The following MBD5 variants were observed in gnomAD, a reference collection of about 807,000 sequenced individuals.
The protein encoded by MBD5 is methyl-CpG binding domain protein 5.
Under a neutral mutation model 117.3 loss-of-function variants are expected in MBD5, and 13 were observed. The observed-to-expected ratio is 0.11, with a 90% CI of 0.07 to 0.18. The LOEUF is 0.18. Among genes scored for constraint, MBD5 ranks in the 10% least tolerant of loss-of-function variants. The pLI, the probability that MBD5 is intolerant of heterozygous loss-of-function variation, is 1.00. For missense variants in MBD5, 1,879 were observed against 2,093.8 expected (o/e 0.90, Z 2.00); for synonymous variants, 727 against 766.4 (o/e 0.95, Z 0.85).
chr2:148,294,501 G>GTGTTTTTTTTTTTGTT (rs1178106069), intron 3 of MBD5, among the ~76,000 whole-genome samples: 13 of 113,216 alleles, frequency 1.1e-4, no homozygotes, highest in Non-Finnish European at 2.3e-4. Context: ...TGGGATTACA[G>GTGTTTTTTTTTTTGTT]TTTTTTTTTT....
chr2:148,211,478 T>A (rs1699420515), intron 2 of MBD5, among the ~76,000 whole-genome samples: 1 of 152,226 alleles, frequency 6.6e-6, no homozygotes, highest in Non-Finnish European at 1.5e-5. Flanking sequence ...ATTTTTGTTA[T>A]ATTTTTTGGA....
intron 1 of MBD5, chr2:148,024,949 T>G (rs973536580): frequency 6.6e-6 from 1 of 152,188 alleles, no homozygotes; most frequent in African/African-American, 2.4e-5. Context: ...GACTTTGTTT[T>G]TTTGGTCCTT....
chr2:148,109,244 C>T (rs1010076424), intron 1 of MBD5, among the ~76,000 whole-genome samples: 7 of 151,944 alleles, frequency 4.6e-5, no homozygotes, highest in Admixed American at 6.6e-5. Flanking sequence ...ATGTTTGCAC[C>T]GCTGTACCCT....
intron 1 of MBD5, among the ~76,000 whole-genome samples, chr2:148,169,900 CTTTTTTTTTT>C (rs11284103): frequency 4.5e-5 from 6 of 132,082 alleles, no homozygotes; most frequent in Non-Finnish European, 9.9e-5. Context: ...AGGGATTCTT[CTTTTTTTTTT>C]TTTTTGAGAC....
intron 1 of MBD5, among the ~76,000 whole-genome samples, chr2:148,076,532 A>G (rs772896579): frequency 1.2e-4 from 18 of 152,306 alleles, no homozygotes; most frequent in Non-Finnish European, 2.4e-4. Context: ...GAGGCCTCAG[A>G]GGTCTGACAT....
Position 148,470,279 on chromosome 2 carries a change from A to G in MBD5, c.2336A>G (p.His779Arg), listed in dbSNP as rs1680751866. The change falls in exon 8 of 14, where the codon CAT becomes CGT. Residue 779 changes from histidine (H) to arginine (R), a missense_variant. By Grantham distance (29) the His-to-Arg change is conservative. Coordinates refer to ENST00000642680, the MANE Select transcript of MBD5 (RefSeq NM_001378120.1). ...VHSNSPVPNHHLAGLINQIQA... is the reference protein window; with the variant it reads ...VHSNSPVPNHRLAGLINQIQA... ...AGTAACAGTCCAGTCCCCAACCACC[A>G]TCTTGCAGGTTTAATAAATCAGATT... 5.6e-6 allele frequency: 9 copies of G among 1,613,942 alleles called. No homozygotes were observed. Among genetic ancestry groups the G allele is most frequent in the Non-Finnish European group, 7.6e-6 (9 of 1,179,882 alleles).
chr2:148,337,482 A>G (rs1702828134), intron 3 of MBD5, among the ~76,000 whole-genome samples: 1 of 152,182 alleles, frequency 6.6e-6, no homozygotes, highest in Admixed American at 6.5e-5. Flanking sequence ...ATAGAACAGT[A>G]TGCATAACCT....
intron 4 of MBD5, among the ~76,000 whole-genome samples, chr2:148,373,498 ATATAT>A (rs1703911452): frequency 6.6e-6 from 1 of 152,146 alleles, no homozygotes; most frequent in Non-Finnish European, 1.5e-5. Flanking sequence ...TTCACTTATC[ATATAT>A]TATATGCATT....
intron 1 of MBD5, among the ~76,000 whole-genome samples, chr2:148,160,821 T>A (rs1242163224): frequency 6.6e-6 from 1 of 152,214 alleles, no homozygotes; most frequent in Non-Finnish European, 1.5e-5. Flanking sequence ...AATCCTTCCC[T>A]CCTTTTAGCT....
At chr2:148,421,905 T>A (rs1044291124) in intron 4 of MBD5, among the ~76,000 whole-genome samples, 9 of 152,304 alleles carry the variant, frequency 5.9e-5, no homozygotes, top group African/African-American at 2.2e-4. Context: ...GGGCAGGGCA[T>A]CTCTGAAAGA....
chr2:148,415,419 C>G (rs1208111390), intron 4 of MBD5, among the ~76,000 whole-genome samples: 1 of 152,076 alleles, frequency 6.6e-6, no homozygotes. Flanking sequence ...CATTTAAACC[C>G]TGGAGAATCT....
rs902272627 is a variant in MBD5 at position 148,515,894 on chromosome 2, A to G, written c.*2953A>G. On this transcript the variant is annotated 3_prime_UTR_variant, in exon 14 of 14. Coordinates refer to ENST00000642680, the MANE Select transcript of MBD5 (RefSeq NM_001378120.1). The stretch of plus-strand genomic sequence containing the variant: ...GTGATTTGTCTTGTTTGTAGCATTA[A>G]AAGCAAACCAGGGTTTTTATTTATT... The G allele has an allele frequency of 1.3e-5, 2 of 152,214 alleles. No homozygotes were observed. The highest frequency in any genetic ancestry group is 6.5e-5 in the Admixed American group (1 of 15,278). 9.4% of individuals were successfully genotyped at this position (152,214 alleles called of 1,614,324 possible). A position where few individuals can be genotyped will look rare whatever the true frequency, so the allele number is the denominator to read the frequency against.
rs553719367 is a variant in MBD5 at position 148,069,729 on chromosome 2, C to A, written c.-925+48045C>A. ...AGGACAAAGGTGGACTCTCCCTGAA[C>A]ACCTCTCTTTACATTGGCATAGCAC... On this transcript the variant is annotated intron_variant, in intron 1 of 13. Transcript: ENST00000642680. Among the ~76,000 whole-genome samples the A allele has an allele frequency of 3.9e-5, 6 of 152,182 alleles. No homozygotes were observed. In the East Asian group the frequency reaches 1.2e-3, roughly 29 times the overall value.
chr2:148,366,487 C>A (rs1476865147), intron 4 of MBD5, among the ~76,000 whole-genome samples: 1 of 152,036 alleles, frequency 6.6e-6, no homozygotes, highest in East Asian at 1.9e-4. Context: ...GGCAGTCAGG[C>A]AAGAGAAAGA....
At chr2:148,045,444 G>A (rs1296614849) in intron 1 of MBD5, among the ~76,000 whole-genome samples, 2 of 151,982 alleles carry the variant, frequency 1.3e-5, no homozygotes, top group African/African-American at 2.4e-5. Flanking sequence ...CCTCTCTTAC[G>A]AAGAACACAT....
intron 4 of MBD5, among the ~76,000 whole-genome samples, chr2:148,440,574 G>A (rs1706288007): frequency 7.2e-6 from 1 of 139,140 alleles, no homozygotes. Context: ...TATATTTTAG[G>A]AGAGTAAAAA....
chr2:148,259,720 G>A (rs575805874), intron 3 of MBD5, among the ~76,000 whole-genome samples: 47 of 152,254 alleles, frequency 3.1e-4, no homozygotes, highest in Non-Finnish European at 6.8e-4. Flanking sequence ...TAGTGGCTTT[G>A]AGCCAAGCAT....
intron 4 of MBD5, among the ~76,000 whole-genome samples, chr2:148,398,795 G>T (rs1026608217): frequency 2.6e-5 from 4 of 152,262 alleles, no homozygotes; most frequent in African/African-American, 9.6e-5. Context: ...GGTCTAACAT[G>T]TAAGTCTTTA....
At chr2:148,030,487 A>G (rs895772675) in intron 1 of MBD5, among the ~76,000 whole-genome samples, 1 of 152,178 alleles carries the variant, frequency 6.6e-6, no homozygotes, top group Non-Finnish European at 1.5e-5. Context: ...TTATGAATGT[A>G]TATGTTTACA....
Sources: allele counts gnomAD v4.1 joint callset (sites outside exome capture counted in the v4.1 genomes callset), GRCh38; gene constraint gnomAD v4.1.1; transcripts MANE v1.5; gene names NCBI Gene and HGNC (gene_info 2026-07-23, HGNC 2026-07-21).